FCSK: variants seen among roughly 807,000 people sequenced by gnomAD.
FCSK encodes L-fucose kinase.
In FCSK, 123 loss-of-function variants were observed where a neutral mutation model predicts 122.5. The observed-to-expected ratio is 1.00, with a 90% CI of 0.87 to 1.17. The LOEUF is 1.17. Among genes scored for constraint, FCSK ranks in the 50% most tolerant of loss-of-function variants. FCSK has a pLI of 0.00. For synonymous variants in FCSK, 620 were observed against 625.5 expected, an observed-to-expected ratio of 0.99 and a Z score of 0.13; for missense variants, 1,366 against 1,450.4, an observed-to-expected ratio of 0.94 and a Z score of 0.95.
intron 1 of FCSK, among the ~76,000 whole-genome samples, chr16:70,458,309 G>A (rs773621932): frequency 4.0e-5 from 6 of 151,332 alleles, no homozygotes; most frequent in East Asian, 1.9e-4. Context: ...ACAGGCACCC[G>A]CCACCATGCC....
At chr16:70,478,907 G>C in intron 22 of FCSK, 1 of 697,278 alleles carries the variant, frequency 1.4e-6, no homozygotes, top group South Asian at 1.5e-5. Context: ...CCATGGCTGA[G>C]TTCCAAGGAA....
intron 11 of FCSK, 29 bp from the exon 12 acceptor site, chr16:70,470,942 C>T (rs768494181): frequency 3.2e-6 from 5 of 1,547,466 alleles, no homozygotes; most frequent in East Asian, 2.4e-5. Flanking sequence ...CCTCGACCCC[C>T]CTCATGCTCC....
chr16:70,473,389 C>G lies in FCSK; in HGVS notation c.1777+36C>G, dbSNP rs929210778. On this transcript the variant is annotated intron_variant, in intron 15 of 23. Transcript: ENST00000288078. The surrounding 1 kb of genome is among the most constrained non-coding windows in gnomAD (Gnocchi z 4.9). ...AGGCTGGTAGTGCTGCAGAATCAGGCCAGGGGCACCTGCCCTCCCTGTCCT... is the reference window on the plus strand; with the variant it reads ...AGGCTGGTAGTGCTGCAGAATCAGGGCAGGGGCACCTGCCCTCCCTGTCCT... 1 of 1,458,432 alleles carries G rather than the reference C, an allele frequency of 6.9e-7. No individual in the cohort carries two copies. Among genetic ancestry groups the G allele is most frequent in the Non-Finnish European group, 9.1e-7 (1 of 1,101,000 alleles). The allele number at this position is 1,458,432 out of a possible 1,614,324, so 90.3% of individuals were successfully genotyped here.
intron 3 of FCSK, 164 bp from the exon 4 acceptor site, chr16:70,464,962 C>T: frequency 6.7e-7 from 1 of 1,484,578 alleles, no homozygotes. Context: ...CCAGGAGGGA[C>T]CAGGGCTGCC....
rs1157119587 is a variant in FCSK, at chr16:70,468,908, G to C, written c.723G>C (p.Val241=). Residue 241 remains valine, a synonymous_variant, in exon 9 of 24, where the codon GTG becomes GTC. Coordinates refer to ENST00000288078, the MANE Select transcript of FCSK (RefSeq NM_145059.3). The part of the protein sequence containing the change: ...ETAERLLATH[V]SPPLDACTYL... ...CCGAGCGCCTCCTAGCCACCCACGTGAGCCCGCCCCTGGATGCCTGCACCT... is the reference window on the plus strand; with the variant it reads ...CCGAGCGCCTCCTAGCCACCCACGTCAGCCCGCCCCTGGATGCCTGCACCT... The C allele has an allele frequency of 1.9e-6, 3 of 1,613,894 alleles. No homozygotes were observed. The highest frequency in any genetic ancestry group is 2.5e-6 in the Non-Finnish European group (3 of 1,180,030).
intron 3 of FCSK, 143 bp downstream of exon 3, chr16:70,463,917 C>G (rs564555901): frequency 2.2e-6 from 2 of 892,422 alleles, no homozygotes; most frequent in African/African-American, 3.8e-5. Context: ...TGGGCGGACT[C>G]ATCTCTGCCT....
Position 70,473,150 on chromosome 16 carries a change from C to A in FCSK, c.1574C>A (p.Ser525Tyr). 6.4e-7 allele frequency: 1 copy of A among 1,551,586 alleles called. No homozygotes were observed. Among genetic ancestry groups the A allele is most frequent in the East Asian group, 2.4e-5 (1 of 41,468 alleles). Residue 525 changes from serine (S) to tyrosine (Y), a missense_variant, in exon 15 of 24, where the codon TCC (serine) becomes TAC (tyrosine). By Grantham distance (144) the Ser-to-Tyr change is moderately radical. Transcript: ENST00000288078. The surrounding 1 kb of genome is among the most constrained non-coding windows in gnomAD (Gnocchi z 4.9). ...GAGGCCCTGCGAGCCTGGCGGGCCT[C>A]CTGGCGCCTGTCCTGGGAGCAGCTG... ...GGEALRAWRA[S>Y]WRLSWEQLQP...
chr16:70,472,460 C>A, intron 13 of FCSK, 81 bp from the exon 14 acceptor site: 2 of 1,115,546 alleles, frequency 1.8e-6, no homozygotes, highest in Non-Finnish European at 2.6e-6. Context: ...AGCACTTGAG[C>A]AGCTCCTGGC....
At chr16:70,456,127 A>C (rs1419384316) in intron 1 of FCSK, among the ~76,000 whole-genome samples, 1 of 152,232 alleles carries the variant, frequency 6.6e-6, no homozygotes, top group Non-Finnish European at 1.5e-5. Context: ...AGCTGTGATC[A>C]CATCACTGCG....
chr16:70,463,476 C>T, intron 2 of FCSK, 147 bp from the exon 3 acceptor site: 1 of 1,080,000 alleles, frequency 9.3e-7, no homozygotes, highest in East Asian at 2.4e-5. Context: ...TGACTTCTCT[C>T]ACTAAGTTGG....
At position 70,469,289 on chromosome 16, in the gene FCSK, G is replaced by A; in HGVS notation, c.921G>A (p.Leu307=). The A allele has an allele frequency of 6.2e-7, 1 of 1,610,770 alleles. No individual in the cohort carries two copies. Among genetic ancestry groups the A allele is most frequent in the Non-Finnish European group, 8.5e-7 (1 of 1,179,180 alleles). The change falls in exon 10 of 24, where the codon CTG becomes CTA. Residue 307 remains leucine, a synonymous_variant. Coordinates refer to ENST00000288078, the MANE Select transcript of FCSK (RefSeq NM_145059.3). ...AGYLQSARAQ[L]WRELRDQPLT... is the part of the protein sequence containing the mutation. ...ATCTGCAGAGCGCCCGGGCCCAGCTGTGGAGGGAGCTTCGCGATCAGCCCC... is the reference window on the plus strand; with the variant it reads ...ATCTGCAGAGCGCCCGGGCCCAGCTATGGAGGGAGCTTCGCGATCAGCCCC...
At position 70,474,255 on chromosome 16, in the gene FCSK, T is replaced by G. The variant is rs749631498; in HGVS notation, c.1904T>G (p.Met635Arg). 2.5e-6 allele frequency: 4 copies of G among 1,612,380 alleles called. No homozygotes were observed. Among genetic ancestry groups the G allele is most frequent in the Non-Finnish European group, 3.4e-6 (4 of 1,179,664 alleles). ...GGGCCAGCTGCCAACCCTGAGTGGA[T>G]GCGGCCCTTCTCATACCTGGAGTGT... ...RSGPAANPEWMRPFSYLECGD... is the reference protein window; with the variant it reads ...RSGPAANPEWRRPFSYLECGD... The change falls in exon 16 of 24, where the codon ATG becomes AGG. Residue 635 changes from methionine to arginine, a missense_variant. By Grantham distance (91) the Met-to-Arg change is moderately conservative (BLOSUM62 -1). Coordinates refer to ENST00000288078, the MANE Select transcript of FCSK (RefSeq NM_145059.3).
intron 1 of FCSK, among the ~76,000 whole-genome samples, chr16:70,457,257 G>A (rs1215447987): frequency 1.3e-5 from 2 of 152,012 alleles, no homozygotes; most frequent in Non-Finnish European, 2.9e-5. Flanking sequence ...ACTCTCTGGG[G>A]CATTTCTTTT....
rs1400393938 is a variant in FCSK at position 70,478,408 on chromosome 16, C to G, written c.2778C>G (p.His926Gln). Residue 926 changes from histidine (H) to glutamine (Q), a missense_variant, in exon 21 of 24, where the codon CAC becomes CAG. By Grantham distance (24) the His-to-Gln change is conservative. Coordinates refer to ENST00000288078, the MANE Select transcript of FCSK (RefSeq NM_145059.3). ...PEGFVQKLNDHLLLVYTGKTR... is the reference protein window; with the variant it reads ...PEGFVQKLNDQLLLVYTGKTR... ...GCTTTGTCCAGAAGCTCAATGACCA[C>G]CTGCTCTTGGTGTACACTGGCAAGA... 6.2e-7 allele frequency: 1 copy of G among 1,614,198 alleles called. No individual in the cohort carries two copies. Among genetic ancestry groups the G allele is most frequent in the Non-Finnish European group, 8.5e-7 (1 of 1,180,048 alleles).
chr16:70,459,465 G>A (rs942202879), intron 1 of FCSK, among the ~76,000 whole-genome samples: 5 of 152,086 alleles, frequency 3.3e-5, no homozygotes, highest in African/African-American at 9.7e-5. Context: ...TTGAACCCAG[G>A]AGGTGGAGAT....
chr16:70,468,040 G>C, intron 8 of FCSK, 74 bp downstream of exon 8: 1 of 1,127,090 alleles, frequency 8.9e-7, no homozygotes. Flanking sequence ...GACTTCCTTC[G>C]ATTCCTTCTA....
rs1177459307 is a variant in FCSK at position 70,479,576 on chromosome 16, C to T, written c.3154-3C>T. 2 of 1,613,090 alleles carry T rather than the reference C, an allele frequency of 1.2e-6. No homozygotes were observed. The highest frequency in any genetic ancestry group is 1.3e-5 in the African/African-American group (1 of 75,012). ...CCTTCTAAATACTTCCTGTCTTGTC[C>T]AGGGCCTTGGGAATTACAGCATCCA... On this transcript the variant is annotated splice_region_variant and splice_polypyrimidine_tract_variant and intron_variant, in intron 23 of 23. Coordinates refer to ENST00000288078, the MANE Select transcript of FCSK (RefSeq NM_145059.3).
chr16:70,459,389 TAGTC>T (rs764999012), intron 1 of FCSK, among the ~76,000 whole-genome samples: 35 of 151,756 alleles, frequency 2.3e-4, no homozygotes, highest in Non-Finnish European at 1.8e-4. Context: ...ATACAAAAAT[TAGTC>T]AGGCGTGGTG....
rs1419334362 is a variant in FCSK, at chr16:70,474,880, G to A, written c.2246G>A (p.Gly749Glu). ...AVRVDGRRPI[G>E]ARARRIPEPE... Reference sequence around the variant, plus strand: ...CGAGTGGACGGCCGCCGGCCCATCGGAGCCAGGGCACGCCGCATCCCGGAG... The same window carrying A: ...CGAGTGGACGGCCGCCGGCCCATCGAAGCCAGGGCACGCCGCATCCCGGAG... Residue 749 changes from glycine to glutamate, a missense_variant, in exon 18 of 24, where the codon GGA becomes GAA. By Grantham distance (98) the Gly-to-Glu change is moderately conservative. Coordinates refer to ENST00000288078, the MANE Select transcript of FCSK (RefSeq NM_145059.3). 1.2e-6 allele frequency: 2 copies of A among 1,603,646 alleles called. No individual in the cohort carries two copies. Among genetic ancestry groups the A allele is most frequent in the African/African-American group, 1.3e-5 (1 of 74,774 alleles).
Sources: gnomAD v4.1 joint callset for allele counts (sites outside exome capture counted in the v4.1 genomes callset) on GRCh38, gnomAD v4.1.1 for gene constraint, Gnocchi (gnomAD v3.1) non-coding constraint, MANE v1.5 for transcripts, NCBI Gene and HGNC (gene_info 2026-07-23, HGNC 2026-07-21) for gene names.